IQGAP2: variants seen among roughly 807,000 people sequenced by gnomAD.
The protein encoded by IQGAP2 is IQ motif containing GTPase activating protein 2.
Under a neutral mutation model 201.3 loss-of-function variants are expected in IQGAP2, and 173 were observed. The observed-to-expected ratio is 0.86, with a 90% CI of 0.76 to 0.98. The LOEUF (loss-of-function observed/expected upper bound fraction) is 0.98, where lower values mean the gene tolerates loss of function less well. IQGAP2 is among the 50% of genes least tolerant of loss of function. The probability of loss-of-function intolerance (pLI) is 0.00; values close to 1 mark genes in which losing one functional copy is unlikely to be tolerated. For synonymous variants in IQGAP2, 675 were observed against 673.9 expected (o/e 1.00, Z -0.03); for missense variants, 1,687 against 1,864.8 (o/e 0.90, Z 1.76).
At chr5:76,583,766 A>G (rs900050493) in intron 5 of IQGAP2, among the ~76,000 whole-genome samples, 1 of 152,216 alleles carries the variant, frequency 6.6e-6, no homozygotes, top group African/African-American at 2.4e-5. Context: ...TTTATCATCA[A>G]AGGGGAAAAT....
chr5:76,556,134 C>A (rs1743928069), intron 2 of IQGAP2, among the ~76,000 whole-genome samples: 1 of 152,184 alleles, frequency 6.6e-6, no homozygotes, highest in Non-Finnish European at 1.5e-5. Flanking sequence ...CAGAAAGGAC[C>A]TGCTGGTGGT....
intron 35 of IQGAP2, among the ~76,000 whole-genome samples, chr5:76,703,634 G>A (rs1359178892): frequency 2.3e-5 from 3 of 128,368 alleles, no homozygotes; most frequent in African/African-American, 6.3e-5. Flanking sequence ...AATGAAAACC[G>A]AGAAATCCAG....
intron 2 of IQGAP2, among the ~76,000 whole-genome samples, chr5:76,494,383 T>G (rs947526238): frequency 6.6e-6 from 1 of 152,210 alleles, no homozygotes; most frequent in Admixed American, 6.5e-5. Context: ...ATAAAAATGT[T>G]GTAACCAGAG....
chr5:76,422,895 C>T (rs1455658131), intron 1 of IQGAP2, among the ~76,000 whole-genome samples: 1 of 152,200 alleles, frequency 6.6e-6, no homozygotes, highest in Non-Finnish European at 1.5e-5. Context: ...TGTAACTAAA[C>T]TCTGAGGTTG....
At chr5:76,563,273 C>T (rs1233877067) in intron 3 of IQGAP2, among the ~76,000 whole-genome samples, 6 of 151,918 alleles carry the variant, frequency 3.9e-5, no homozygotes, top group African/African-American at 7.3e-5. Flanking sequence ...CAATAAAAAC[C>T]GCACTGTTAT....
chr5:76,457,232 A>AT (rs1280318446), intron 1 of IQGAP2, among the ~76,000 whole-genome samples: 27 of 152,194 alleles, frequency 1.8e-4, no homozygotes, highest in African/African-American at 6.3e-4. Context: ...CAAGGGATTC[A>AT]TTCACCTTGG....
At chr5:76,471,358 A>G (rs1455372948) in intron 2 of IQGAP2, among the ~76,000 whole-genome samples, 1 of 99,146 alleles carries the variant, frequency 1.0e-5, no homozygotes, top group African/African-American at 4.0e-5. Context: ...CTGAAAATAA[A>G]CTAAGCAAAA....
At chr5:76,590,654 A>G (rs1326916185) in intron 8 of IQGAP2, 68 bp downstream of exon 8, 41 of 1,218,150 alleles carry the variant, frequency 3.4e-5, no homozygotes, top group Admixed American at 1.2e-4. Flanking sequence ...GAAAAGCCTT[A>G]ATGTTGAAAG....
chr5:76,610,050 TTCTCTC>T (rs71604297), intron 12 of IQGAP2, among the ~76,000 whole-genome samples: 9 of 19,062 alleles, frequency 4.7e-4, no homozygotes, highest in African/African-American at 2.4e-3. Context: ...TGTTCTCTCT[TTCTCTC>T]TCTCTCTCTC....
intron 1 of IQGAP2, among the ~76,000 whole-genome samples, chr5:76,461,157 C>T (rs893567222): frequency 2.6e-5 from 4 of 151,936 alleles, no homozygotes; most frequent in Non-Finnish European, 5.9e-5. Flanking sequence ...GGATTACAGG[C>T]GTGAGCCGCC....
intron 2 of IQGAP2, among the ~76,000 whole-genome samples, chr5:76,557,501 T>C (rs1388205306): frequency 6.6e-6 from 1 of 152,218 alleles, no homozygotes; most frequent in East Asian, 1.9e-4. Context: ...AAAAGAGGTA[T>C]CTCCATTGAT....
intron 9 of IQGAP2, 67 bp from the exon 10 acceptor site, chr5:76,597,372 G>A: frequency 2.6e-6 from 4 of 1,513,096 alleles, no homozygotes; most frequent in Non-Finnish European, 3.6e-6. Flanking sequence ...TGGGAAGAAG[G>A]GCTGGTTGGG....
In IQGAP2 at chr5:76,451,534, A is replaced by C. The variant is rs557379202; in HGVS notation, c.47-10036A>C. Among the ~76,000 whole-genome samples, 18 of 152,240 alleles carry C rather than the reference A, an allele frequency of 1.2e-4. No individual in the cohort carries two copies. In the Middle Eastern group the frequency reaches 0.01, roughly 86 times the overall value. On this transcript the variant is annotated intron_variant, in intron 1 of 35. Transcript: ENST00000274364. ...TCATGGCATTAGTCATCTTCTGATC[A>C]CTTCCTCTCTGCTGCCTTTGAACTT... is the stretch of plus-strand genomic sequence containing the variant.
intron 10 of IQGAP2, among the ~76,000 whole-genome samples, chr5:76,600,045 G>A (rs754288146): frequency 2.0e-5 from 3 of 152,160 alleles, no homozygotes; most frequent in Non-Finnish European, 4.4e-5. Flanking sequence ...CACTTTGGGA[G>A]GCTGAGGCAG....
At chr5:76,560,342 G>A (rs1473049196) in intron 2 of IQGAP2, among the ~76,000 whole-genome samples, 8 of 143,334 alleles carry the variant, frequency 5.6e-5, no homozygotes, top group African/African-American at 2.1e-4. Context: ...TTTTTTAAGA[G>A]AGCCAGGGCC....
At chr5:76,570,792 A>G in intron 4 of IQGAP2, 135 bp downstream of exon 4, 1 of 657,974 alleles carries the variant, frequency 1.5e-6, no homozygotes, top group South Asian at 1.9e-5. Context: ...AAAAACATGG[A>G]AAGACCTATC....
At chr5:76,608,281 A>G (rs1023112492) in intron 12 of IQGAP2, among the ~76,000 whole-genome samples, 1 of 152,224 alleles carries the variant, frequency 6.6e-6, no homozygotes, top group Non-Finnish European at 1.5e-5. Context: ...GTCATAAAGG[A>G]CATATACCAT....
chr5:76,554,579 C>G (rs1197780247), intron 2 of IQGAP2, among the ~76,000 whole-genome samples: 1 of 152,056 alleles, frequency 6.6e-6, no homozygotes, highest in African/African-American at 2.4e-5. Flanking sequence ...TATCATTAGC[C>G]ATCAGGGAAA....
At chr5:76,513,044 G>A (rs1283962959) in intron 2 of IQGAP2, among the ~76,000 whole-genome samples, 2 of 145,744 alleles carry the variant, frequency 1.4e-5, no homozygotes, top group African/African-American at 5.2e-5. Context: ...GACAGAGTCA[G>A]AGTCTGTCTC....
Sources: allele counts gnomAD v4.1 joint callset (sites outside exome capture counted in the v4.1 genomes callset), GRCh38; gene constraint gnomAD v4.1.1; transcripts MANE v1.5; gene names NCBI Gene and HGNC (gene_info 2026-07-23, HGNC 2026-07-21).